Variants in BMPR1A observed in about 807,000 individuals in gnomAD.
BMPR1A encodes the protein bone morphogenetic protein receptor type-1A.
BMPR1A carries 7 observed loss-of-function variants against 66.0 expected under a neutral mutation model. The ratio of observed to expected loss-of-function variants is 0.11; its 90% confidence interval spans 0.06 to 0.20. BMPR1A has a LOEUF of 0.20. Among genes scored for constraint, BMPR1A ranks in the 10% least tolerant of loss-of-function variants. The pLI is 1.00. For synonymous variants in BMPR1A, 200 were observed against 229.7 expected (o/e 0.87, Z 1.17); for missense variants, 408 against 669.1 (o/e 0.61, Z 4.31).
intron 1 of BMPR1A, among the ~76,000 whole-genome samples, chr10:86,816,725 G>T (rs753603503): frequency 6.6e-6 from 1 of 152,190 alleles, no homozygotes; most frequent in African/African-American, 2.4e-5. Flanking sequence ...AACAGAGCCC[G>T]ATATTTAAGG....
At chr10:86,799,801 G>A (rs916734395) in intron 1 of BMPR1A, among the ~76,000 whole-genome samples, 13 of 152,056 alleles carry the variant, frequency 8.5e-5, no homozygotes, top group Non-Finnish European at 7.4e-5. Flanking sequence ...ACCTCCCAGC[G>A]TGCTGTGATT....
At chr10:86,768,534 G>A (rs1230429707) in intron 1 of BMPR1A, among the ~76,000 whole-genome samples, 7 of 152,226 alleles carry the variant, frequency 4.6e-5, no homozygotes. Context: ...AAAATGATTT[G>A]TAACAGGTTT....
chr10:86,901,491 A>G (rs1476241184), intron 7 of BMPR1A, among the ~76,000 whole-genome samples: 1 of 152,220 alleles, frequency 6.6e-6, no homozygotes, highest in Non-Finnish European at 1.5e-5. Flanking sequence ...TCCATAGTAT[A>G]AACTGGTTGC....
intron 5 of BMPR1A, among the ~76,000 whole-genome samples, chr10:86,898,762 T>C (rs1564717413): frequency 6.6e-6 from 1 of 152,190 alleles, no homozygotes; most frequent in Admixed American, 6.5e-5. Flanking sequence ...TGACACTTCT[T>C]TCATTCATCG....
chr10:86,830,319 G>A (rs1317542932), intron 1 of BMPR1A, among the ~76,000 whole-genome samples: 2 of 152,228 alleles, frequency 1.3e-5, no homozygotes, highest in African/African-American at 4.8e-5. Context: ...AATTTACAAG[G>A]AAGTACACAG....
intron 6 of BMPR1A, 21 bp downstream of exon 6, chr10:86,899,911 C>T (rs765940263): frequency 9.3e-6 from 15 of 1,611,520 alleles, no homozygotes; most frequent in African/African-American, 1.3e-5. Context: ...CGAGAAAAGT[C>T]GGAGCATGCT....
At chr10:86,844,353 T>C (rs1842458197) in intron 2 of BMPR1A, among the ~76,000 whole-genome samples, 1 of 152,222 alleles carries the variant, frequency 6.6e-6, no homozygotes, top group African/African-American at 2.4e-5. Context: ...AAAGTATTTC[T>C]ACAGGTATAA....
chr10:86,857,012 A>G (rs924975723), intron 2 of BMPR1A, among the ~76,000 whole-genome samples: 1 of 152,238 alleles, frequency 6.6e-6, no homozygotes, highest in Non-Finnish European at 1.5e-5. Flanking sequence ...TCCTGGGATC[A>G]GGGTATGTCA....
At chr10:86,803,208 C>T (rs1314533953) in intron 1 of BMPR1A, among the ~76,000 whole-genome samples, 2 of 151,978 alleles carry the variant, frequency 1.3e-5, no homozygotes, top group African/African-American at 4.8e-5. Flanking sequence ...ACAAGCTTAC[C>T]AAGGTTGCTA....
intron 1 of BMPR1A, among the ~76,000 whole-genome samples, chr10:86,785,564 A>G (rs112831209): frequency 0.073 from 11,191 of 152,260 alleles, 485 homozygotes; most frequent in Non-Finnish European, 0.076. Context: ...TTGGCCTCCC[A>G]AAGCTGGGAT....
chr10:86,796,666 T>A (rs1211795058), intron 1 of BMPR1A, among the ~76,000 whole-genome samples: 2 of 152,014 alleles, frequency 1.3e-5, no homozygotes, highest in Non-Finnish European at 2.9e-5. Flanking sequence ...AACTTCCCCC[T>A]CCTAGGCTCT....
downstream of BMPR1A, chr10:86,928,220 CT>C (rs71477622): frequency 0.046 from 5,507 of 119,214 alleles, 96 homozygotes; most frequent in South Asian, 0.069. Context: ...TTTCTTTTTC[CT>C]TTTTTTTTTT....
rs115183711 is a variant in BMPR1A at position 86,775,644 on chromosome 10, G to A, written c.-268+18725G>A. On this transcript the variant is annotated intron_variant, in intron 1 of 12. Coordinates refer to ENST00000372037, the MANE Select transcript of BMPR1A (RefSeq NM_004329.3). ...GGATATACTAAGGAAAACAGAAAAG[G>A]CATTCCTCTAAAAATAGCTAGTTTT... Among the ~76,000 whole-genome samples, 1,213 of 152,084 alleles carry A rather than the reference G, an allele frequency of 8.0e-3. 20 individuals carry two copies. The highest frequency in any genetic ancestry group is 0.027 in the African/African-American group (1,101 of 41,500).
intron 5 of BMPR1A, among the ~76,000 whole-genome samples, chr10:86,898,255 A>G (rs1312102541): frequency 6.6e-6 from 1 of 151,678 alleles, no homozygotes. Context: ...ACACATATAT[A>G]TATAACATAT....
At chr10:86,802,511 G>C (rs1057080228) in intron 1 of BMPR1A, among the ~76,000 whole-genome samples, 2 of 151,956 alleles carry the variant, frequency 1.3e-5, no homozygotes, top group South Asian at 2.1e-4. Flanking sequence ...AAAATTTGAC[G>C]TGGGATGTCA....
chr10:86,842,632 T>C (rs1842440356), intron 2 of BMPR1A, among the ~76,000 whole-genome samples: 1 of 152,140 alleles, frequency 6.6e-6, no homozygotes, highest in African/African-American at 2.4e-5. Context: ...TTAAAATTAA[T>C]ATGATGGTTG....
chr10:86,874,327 C>T (rs1271738332), intron 2 of BMPR1A, among the ~76,000 whole-genome samples: 1 of 152,162 alleles, frequency 6.6e-6, no homozygotes, highest in Non-Finnish European at 1.5e-5. Context: ...TCAGTTTCAT[C>T]TTAATAAAGT....
rs112392608 is a variant in BMPR1A, at chr10:86,864,361, C to T, written c.-152-11506C>T. 6.2e-3 allele frequency among the ~76,000 whole-genome samples: 949 copies of T among 152,300 alleles called. 17 individuals are homozygous for T. The highest frequency in any genetic ancestry group is 0.021 in the African/African-American group (857 of 41,556). Reference sequence around the variant, plus strand: ...TTAGGAGTTTCTGCCTCCACTATTGCTCTCGGTACTGGAATAACAGGCATT... The same window carrying T: ...TTAGGAGTTTCTGCCTCCACTATTGTTCTCGGTACTGGAATAACAGGCATT... On this transcript the variant is annotated intron_variant, in intron 2 of 12. Coordinates refer to ENST00000372037, the MANE Select transcript of BMPR1A (RefSeq NM_004329.3).
chr10:86,929,703 A>G (rs189881470), downstream of BMPR1A: 4 of 152,340 alleles, frequency 2.6e-5, no homozygotes, highest in Admixed American at 1.3e-4. Flanking sequence ...GGGAACTGCA[A>G]ATGCTTGCCA....
Sources: gnomAD v4.1 joint callset for allele counts (sites outside exome capture counted in the v4.1 genomes callset) on GRCh38, gnomAD v4.1.1 for gene constraint, MANE v1.5 for transcripts, NCBI Gene and HGNC (gene_info 2026-07-23, HGNC 2026-07-21) for gene names.